Variants in YWHAG observed in about 807,000 individuals in gnomAD.
YWHAG encodes 14-3-3 protein gamma.
In YWHAG, 1 loss-of-function variant was observed where a neutral mutation model predicts 23.3. The ratio of observed to expected loss-of-function variants is 0.04; its 90% CI spans 0.02 to 0.20. The LOEUF (loss-of-function observed/expected upper bound fraction) is 0.20, where lower values mean the gene tolerates loss of function less well. Among genes scored for constraint, YWHAG ranks in the 10% least tolerant of loss-of-function variants. The pLI is 1.00. For missense variants in YWHAG, 151 were observed against 338.6 expected (o/e 0.45, Z 4.35); for synonymous variants, 160 against 144.0 (o/e 1.11, Z -0.80).
rs780397500 is a variant in YWHAG at position 76,328,027 on chromosome 7, GAAAC to G, written c.*1546_*1549del. 6.6e-6 allele frequency: 1 copy of G among 151,908 alleles called. No homozygotes were observed. Among genetic ancestry groups the G allele is most frequent in the Non-Finnish European group, 1.5e-5 (1 of 67,988 alleles). The allele number at this position is 151,908 out of a possible 1,614,324, so 9.4% of individuals were successfully genotyped here. On this transcript the variant is annotated 3_prime_UTR_variant, in exon 2 of 2. Coordinates refer to ENST00000307630, the MANE Select transcript of YWHAG (RefSeq NM_012479.4). ...CCTCTTCTTGCCTAAATAAAACAAA[GAAAC>G]AAAGAAAACAAGTGTGGTGTCATTA... is the stretch of plus-strand genomic sequence containing the variant.
chr7:76,353,260 T>A (rs1460611603), intron 1 of YWHAG, among the ~76,000 whole-genome samples: 2 of 152,216 alleles, frequency 1.3e-5, no homozygotes, highest in Non-Finnish European at 2.9e-5. Flanking sequence ...TCACCCAGGC[T>A]GGAGTGCAGT....
intron 1 of YWHAG, among the ~76,000 whole-genome samples, chr7:76,334,078 G>A (rs1435550793): frequency 6.6e-6 from 1 of 152,200 alleles, no homozygotes; most frequent in African/African-American, 2.4e-5. Flanking sequence ...AACACGCCCA[G>A]ATGTTCCCTG....
rs371405636 is a variant in YWHAG, at chr7:76,358,746, G to T, written c.63C>A (p.Asp21Glu). The T allele has an allele frequency of 1.9e-6, 3 of 1,592,052 alleles. No individual in the cohort carries two copies. The highest frequency in any genetic ancestry group is 2.8e-5 in the African/African-American group (2 of 72,678). ...CGTTCTTCATGGCCGCGGCCATGTC[G>T]TCGTAGCGCTCCGCCTGCTCGGCCA... ...ARLAEQAERY[D>E]DMAAAMKNVT... The change falls in exon 1 of 2, where the codon GAC becomes GAA. Residue 21 changes from aspartate (D) to glutamate (E), a missense_variant. By Grantham distance (45) the Asp-to-Glu change is conservative. Transcript: ENST00000307630.
intron 1 of YWHAG, among the ~76,000 whole-genome samples, chr7:76,350,770 G>C (rs1054093013): frequency 6.6e-6 from 1 of 152,190 alleles, no homozygotes; most frequent in African/African-American, 2.4e-5. Context: ...CTGGAACTCA[G>C]GAGGCAGAGG....
rs371432182 is a variant in YWHAG, at chr7:76,329,646, G to A, written c.675C>T (p.Leu225=). 21 of 1,614,246 alleles carry A rather than the reference G, an allele frequency of 1.3e-5. No individual in the cohort carries two copies. Among genetic ancestry groups the A allele is most frequent in the Non-Finnish European group, 1.6e-5 (19 of 1,180,040 alleles). Reference sequence around the variant, plus strand: ...TCCAGAGCGTGAGGTTGTCGCGGAGGAGCTGCATGATGAGCGTGGAGTCCT... The same window carrying A: ...TCCAGAGCGTGAGGTTGTCGCGGAGAAGCTGCATGATGAGCGTGGAGTCCT... ...SYKDSTLIMQ[L]LRDNLTLWTS... Residue 225 remains leucine, a synonymous_variant, in exon 2 of 2, where the codon CTC becomes CTT. Coordinates refer to ENST00000307630, the MANE Select transcript of YWHAG (RefSeq NM_012479.4). This position sits in a 1 kb window ranked among gnomAD's most constrained non-coding sequence, Gnocchi z 6.1.
intron 1 of YWHAG, among the ~76,000 whole-genome samples, chr7:76,346,460 A>T (rs73140055): frequency 0.28 from 42,035 of 152,096 alleles, 6,030 homozygotes; most frequent in East Asian, 0.44. Flanking sequence ...AGTGGATCCT[A>T]AATGTTTCTT....
At chr7:76,355,812 C>A (rs928791120) in intron 1 of YWHAG, among the ~76,000 whole-genome samples, 1 of 152,132 alleles carries the variant, frequency 6.6e-6, no homozygotes, top group Non-Finnish European at 1.5e-5. Flanking sequence ...ACCTTTTCTC[C>A]CCAAGGCAAG....
At chr7:76,355,149 C>T (rs1583995846) in intron 1 of YWHAG, among the ~76,000 whole-genome samples, 1 of 152,186 alleles carries the variant, frequency 6.6e-6, no homozygotes, top group East Asian at 1.9e-4. Context: ...CTGCACAACA[C>T]GGAATGTACC....
chr7:76,345,353 T>C (rs147384205), intron 1 of YWHAG, among the ~76,000 whole-genome samples: 4,121 of 151,946 alleles, frequency 0.027, 199 homozygotes, highest in African/African-American at 0.093. Flanking sequence ...GCCCAGCTAA[T>C]TTTTTGTATT....
chr7:76,338,580 A>C (rs1803648560), intron 1 of YWHAG, among the ~76,000 whole-genome samples: 1 of 152,198 alleles, frequency 6.6e-6, no homozygotes, highest in Non-Finnish European at 1.5e-5. Context: ...CTATGCTAAG[A>C]GTCTCTGATG....
At chr7:76,339,340 C>T (rs973377294) in intron 1 of YWHAG, among the ~76,000 whole-genome samples, 1 of 152,140 alleles carries the variant, frequency 6.6e-6, no homozygotes, top group African/African-American at 2.4e-5. Flanking sequence ...CATGGTGACG[C>T]ACACCTGTAA....
chr7:76,341,175 T>C (rs1803688216), intron 1 of YWHAG, among the ~76,000 whole-genome samples: 1 of 152,126 alleles, frequency 6.6e-6, no homozygotes, highest in Non-Finnish European at 1.5e-5. Context: ...GGCAGATCAC[T>C]TGAGGTCAGG....
chr7:76,351,806 C>T (rs1289089130), intron 1 of YWHAG, among the ~76,000 whole-genome samples: 2 of 152,204 alleles, frequency 1.3e-5, no homozygotes, highest in Non-Finnish European at 2.9e-5. Context: ...ATAATTATTA[C>T]ATTACATACT....
chr7:76,339,800 T>C (rs1164146455), intron 1 of YWHAG, among the ~76,000 whole-genome samples: 2 of 151,986 alleles, frequency 1.3e-5, no homozygotes, highest in Non-Finnish European at 2.9e-5. Context: ...TTCTTAATAA[T>C]ATTTTCTGCC....
chr7:76,327,533 A>G lies in YWHAG; in HGVS notation c.*2044T>C, dbSNP rs1230721828. On this transcript the variant is annotated 3_prime_UTR_variant, in exon 2 of 2. Coordinates refer to ENST00000307630, the MANE Select transcript of YWHAG (RefSeq NM_012479.4). ...TTTATCTTGCATTATTCTAAAAAGC[A>G]GCCAGAGCCAAAGCTGAAATTTAAA... The G allele has an allele frequency of 6.6e-6, 1 of 152,652 alleles. No homozygotes were observed. Among genetic ancestry groups the G allele is most frequent in the Non-Finnish European group, 1.5e-5 (1 of 68,042 alleles). The allele number at this position is 152,652 out of a possible 1,614,324, so 9.5% of individuals were successfully genotyped here. A position where few individuals can be genotyped will look rare whatever the true frequency, so the allele number is the denominator to read the frequency against.
chr7:76,332,057 A>G (rs1803549755), intron 1 of YWHAG, among the ~76,000 whole-genome samples: 1 of 152,192 alleles, frequency 6.6e-6, no homozygotes, highest in South Asian at 2.1e-4. Context: ...TGGTGTTGTT[A>G]AAGTTAACAT....
intron 1 of YWHAG, among the ~76,000 whole-genome samples, chr7:76,336,958 G>A (rs370201806): frequency 6.6e-4 from 101 of 152,320 alleles, no homozygotes; most frequent in Middle Eastern, 6.8e-3. Context: ...CCATGTTAAG[G>A]ATACACCATG....
intron 1 of YWHAG, among the ~76,000 whole-genome samples, chr7:76,347,193 T>C (rs1183673349): frequency 6.6e-6 from 1 of 152,238 alleles, no homozygotes; most frequent in Non-Finnish European, 1.5e-5. Flanking sequence ...CCACAGATGT[T>C]CAACAGGACT....
intron 1 of YWHAG, among the ~76,000 whole-genome samples, chr7:76,333,639 T>C (rs1227936844): frequency 1.3e-5 from 2 of 152,166 alleles, no homozygotes; most frequent in African/African-American, 2.4e-5. Context: ...CCTAGTTCCA[T>C]ACAGCCTGAA....
Sources: gnomAD v4.1 joint callset for allele counts (sites outside exome capture counted in the v4.1 genomes callset) on GRCh38, gnomAD v4.1.1 for gene constraint, Gnocchi (gnomAD v3.1) non-coding constraint, MANE v1.5 for transcripts, NCBI Gene and HGNC (gene_info 2026-07-23, HGNC 2026-07-21) for gene names.